Variants in KLHL15 observed in about 807,000 individuals in gnomAD.
KLHL15 encodes the protein kelch-like protein 15.
A neutral mutation model predicts 29.3 loss-of-function variants in KLHL15; 1 was observed. That is an observed-to-expected ratio of 0.03 (90% CI 0.01 to 0.16). The LOEUF is 0.16. Ranked by LOEUF, KLHL15 falls within the 10% of genes least tolerant of loss-of-function variation. KLHL15 has a pLI of 1.00. For synonymous variants in KLHL15, 212 were observed against 184.5 expected, an observed-to-expected ratio of 1.15 and a Z score of -1.21; for missense variants, 215 against 478.5, an observed-to-expected ratio of 0.45 and a Z score of 5.14.
chrX:24,012,358 A>G (rs765654017), intron 2 of KLHL15, among the ~76,000 whole-genome samples: 1 of 111,641 alleles, frequency 9.0e-6, no homozygotes, highest in South Asian at 3.8e-4. Context: ...ATCCTTCTGT[A>G]GCATAAATTA....
In KLHL15 at chrX:24,011,858, C is replaced by T. The variant is rs953542893; in HGVS notation, c.-7-5158G>A. Among the ~76,000 whole-genome samples the T allele has an allele frequency of 5.4e-5, 6 of 111,319 alleles. No individual in the cohort carries two copies. The South Asian group carries it at 1.8e-3, about 34-fold the overall frequency. ...GATAGAATGCCAAAAACATTAAAAA[C>T]GGTAGAGTAGGCCAGGTGCGGTGGC... On this transcript the variant is annotated intron_variant, in intron 2 of 3. Transcript: ENST00000328046.
At position 24,005,518 on chromosome X, in the gene KLHL15, C is replaced by T. The variant is rs143619514; in HGVS notation, c.705+471G>A. 2.3e-3 allele frequency among the ~76,000 whole-genome samples: 261 copies of T among 111,595 alleles called. 1 individual carries two copies. Among genetic ancestry groups the T allele is most frequent in the African/African-American group, 7.9e-3 (243 of 30,771 alleles). On this transcript the variant is annotated intron_variant, in intron 3 of 3. Coordinates refer to ENST00000328046, the MANE Select transcript of KLHL15 (RefSeq NM_030624.3). ...ATTGGTTTTCAAGAGCTATTTTGTACGTCCTTGCTATATTTTAGAGGAATA... is the reference window on the plus strand; with the variant it reads ...ATTGGTTTTCAAGAGCTATTTTGTATGTCCTTGCTATATTTTAGAGGAATA...
At chrX:23,991,348 T>G in intron 3 of KLHL15, among the ~76,000 whole-genome samples, 1 of 78,546 alleles carries the variant, frequency 1.3e-5, no homozygotes, top group Admixed American at 1.5e-4. Flanking sequence ...AACAAAACTC[T>G]GTCTCAAAAA....
chrX:23,994,046 C>CAAAA (rs35880434), intron 3 of KLHL15, among the ~76,000 whole-genome samples: 2 of 57,802 alleles, frequency 3.5e-5, no homozygotes, highest in African/African-American at 5.8e-5. Flanking sequence ...GACCTTGTCT[C>CAAAA]AAAAAAAAAA....
At chrX:24,008,881 A>C (rs5970813) in intron 2 of KLHL15, among the ~76,000 whole-genome samples, 1 of 101,932 alleles carries the variant, frequency 9.8e-6, no homozygotes, top group Admixed American at 1.1e-4. Flanking sequence ...GAAAAAAAAA[A>C]AACAAAACAA....
chrX:24,025,346 A>G (rs1265551983), intron 1 of KLHL15, among the ~76,000 whole-genome samples: 2 of 107,799 alleles, frequency 1.9e-5, no homozygotes, highest in African/African-American at 3.3e-5. Context: ...GGAAGGCGGG[A>G]AAGGGGCGGG....
chrX:23,989,812 TA>T (rs2147096372), intron 3 of KLHL15, among the ~76,000 whole-genome samples: 1 of 110,601 alleles, frequency 9.0e-6, no homozygotes, highest in Non-Finnish European at 1.9e-5. Context: ...AATTTTATTT[TA>T]AAATTATTAT....
At chrX:24,014,541 A>G (rs1164698544) in intron 2 of KLHL15, among the ~76,000 whole-genome samples, 2 of 110,728 alleles carry the variant, frequency 1.8e-5, no homozygotes, top group Non-Finnish European at 3.8e-5. Context: ...AAAAAAAAAC[A>G]CAACAATTAA....
chrX:23,999,823 G>C (rs747656184), intron 3 of KLHL15, among the ~76,000 whole-genome samples: 1 of 111,817 alleles, frequency 8.9e-6, no homozygotes, highest in African/African-American at 3.3e-5. Context: ...ATACATAAAA[G>C]GCAGAAAACT....
intron 3 of KLHL15, among the ~76,000 whole-genome samples, chrX:23,997,752 A>AT (rs1929221753): frequency 3.1e-5 from 3 of 96,594 alleles, no homozygotes; most frequent in East Asian, 3.3e-4. Flanking sequence ...AAAAAAAAAA[A>AT]AATTTTTTTT....
At chrX:24,026,680 A>T (rs1929941413) in intron 1 of KLHL15, among the ~76,000 whole-genome samples, 1 of 109,262 alleles carries the variant, frequency 9.2e-6, no homozygotes, top group South Asian at 3.9e-4. Context: ...TGAACATACC[A>T]TCTTTCCCAA....
At chrX:23,990,133 T>C (rs1330286499) in intron 3 of KLHL15, among the ~76,000 whole-genome samples, 1 of 110,778 alleles carries the variant, frequency 9.0e-6, no homozygotes, top group African/African-American at 3.3e-5. Context: ...ACCTCATCTC[T>C]ACAAAATTAA....
At position 24,027,148 on chromosome X, in the gene KLHL15, A is replaced by G. The variant is rs1929948890; in HGVS notation, c.-218T>C. 8.9e-6 allele frequency: 1 copy of G among 112,054 alleles called. No individual in the cohort carries two copies. The highest frequency in any genetic ancestry group is 3.6e-4 in the South Asian group (1 of 2,745). The allele number at this position is 112,054 out of a possible 1,213,427, so 9.2% of individuals were successfully genotyped here. A position where few individuals can be genotyped will look rare whatever the true frequency, so the allele number is the denominator to read the frequency against. On this transcript the variant is annotated 5_prime_UTR_variant, in exon 1 of 4. Coordinates refer to ENST00000328046, the MANE Select transcript of KLHL15 (RefSeq NM_030624.3). ...TACTATGTGGCACTGACCTGTCTAA[A>G]GAGAGGCTTCTGTTCTTGATTCAAG... is the stretch of plus-strand genomic sequence containing the variant.
chrX:24,000,924 C>CTA (rs1929301622), intron 3 of KLHL15, among the ~76,000 whole-genome samples: 1 of 112,147 alleles, frequency 8.9e-6, no homozygotes, highest in African/African-American at 3.2e-5. Context: ...TAAATGTCCC[C>CTA]CATTTTAAAA....
chrX:24,022,858 T>G (rs1237876493), intron 2 of KLHL15, among the ~76,000 whole-genome samples: 1 of 107,535 alleles, frequency 9.3e-6, no homozygotes, highest in African/African-American at 3.4e-5. Flanking sequence ...TAGCTGGGAA[T>G]AGAGTAGCTG....
intron 2 of KLHL15, among the ~76,000 whole-genome samples, chrX:24,022,082 T>C (rs1929816865): frequency 9.0e-6 from 1 of 110,834 alleles, no homozygotes; most frequent in African/African-American, 3.3e-5. Flanking sequence ...CTCATGTCTG[T>C]AATCCCAGCA....
At chrX:24,014,858 AAAAG>A (rs746368118) in intron 2 of KLHL15, among the ~76,000 whole-genome samples, 1 of 112,289 alleles carries the variant, frequency 8.9e-6, no homozygotes, top group African/African-American at 3.2e-5. Flanking sequence ...AACAAAGATA[AAAAG>A]AGAGAGACGT....
intron 2 of KLHL15, among the ~76,000 whole-genome samples, chrX:24,015,515 G>A (rs1242680732): frequency 1.8e-5 from 2 of 112,227 alleles, no homozygotes; most frequent in Non-Finnish European, 1.9e-5. Flanking sequence ...ACACTTTTAT[G>A]GTAAGCGTGT....
chrX:24,006,962 C>A (rs895215255), intron 2 of KLHL15, among the ~76,000 whole-genome samples: 1 of 110,627 alleles, frequency 9.0e-6, no homozygotes, highest in South Asian at 3.8e-4. Context: ...GCAGGAAGAT[C>A]GCTTGAGCCC....
Sources: gnomAD v4.1 joint callset for allele counts (sites outside exome capture counted in the v4.1 genomes callset) on GRCh38, gnomAD v4.1.1 for gene constraint, MANE v1.5 for transcripts, NCBI Gene and HGNC (gene_info 2026-07-23, HGNC 2026-07-21) for gene names.